TMEM87A: variants seen among roughly 807,000 people sequenced by gnomAD.
The protein encoded by TMEM87A is Golgi-pH regulating cation channel.
TMEM87A carries 50 observed loss-of-function variants against 90.0 expected under a neutral mutation model. The ratio of observed to expected loss-of-function variants is 0.56; its 90% CI spans 0.44 to 0.70. The LOEUF is 0.70. TMEM87A is among the 30% of genes least tolerant of loss of function. TMEM87A has a pLI of 0.00. For synonymous variants in TMEM87A, 226 were observed against 226.7 expected, an observed-to-expected ratio of 1.00 and a Z score of 0.03; for missense variants, 577 against 660.5, an observed-to-expected ratio of 0.87 and a Z score of 1.39.
At chr15:42,216,152 A>C (rs1005541636) in intron 19 of TMEM87A, among the ~76,000 whole-genome samples, 1 of 152,256 alleles carries the variant, frequency 6.6e-6, no homozygotes. Context: ...CAAATGCTGC[A>C]TGATTCCACT....
chr15:42,266,066 T>C (rs2051397385), intron 3 of TMEM87A, among the ~76,000 whole-genome samples: 1 of 152,302 alleles, frequency 6.6e-6, no homozygotes, highest in East Asian at 1.9e-4. Context: ...GTTTCATTGG[T>C]CTTTGTGTCT....
intron 6 of TMEM87A, among the ~76,000 whole-genome samples, chr15:42,251,203 A>T (rs893114089): frequency 1.3e-5 from 2 of 152,288 alleles, no homozygotes; most frequent in South Asian, 4.2e-4. Flanking sequence ...TTTAGCTCAG[A>T]GAGGTTTGTT....
chr15:42,263,973 C>T (rs530742518), intron 4 of TMEM87A, 117 bp downstream of exon 4: 8 of 707,262 alleles, frequency 1.1e-5, no homozygotes, highest in Middle Eastern at 4.0e-4. Context: ...TCAGAACATG[C>T]TTCCACTTAC....
intron 19 of TMEM87A, among the ~76,000 whole-genome samples, 177 bp downstream of exon 19, chr15:42,217,626 A>G (rs1045415885): frequency 3.3e-5 from 5 of 152,360 alleles, no homozygotes; most frequent in South Asian, 4.1e-4. Context: ...AAAGAAAGGA[A>G]GATTCTTGAA....
At chr15:42,221,877 A>G (rs2050492698) in intron 15 of TMEM87A, among the ~76,000 whole-genome samples, 1 of 152,132 alleles carries the variant, frequency 6.6e-6, no homozygotes, top group African/African-American at 2.4e-5. Context: ...CAGCCTCCCA[A>G]GTAGCTGGGA....
intron 19 of TMEM87A, among the ~76,000 whole-genome samples, chr15:42,217,468 C>T (rs890740504): frequency 1.3e-5 from 2 of 151,924 alleles, no homozygotes; most frequent in Admixed American, 6.6e-5. Flanking sequence ...ATTATTTTTG[C>T]CAATATTAGA....
At chr15:42,244,906 C>T (rs1352351832) in intron 6 of TMEM87A, among the ~76,000 whole-genome samples, 1 of 151,236 alleles carries the variant, frequency 6.6e-6, no homozygotes, top group African/African-American at 2.4e-5. Context: ...AAAGGAGAAA[C>T]GTTTATCCAG....
At chr15:42,254,824 G>C (rs986350106) in intron 6 of TMEM87A, among the ~76,000 whole-genome samples, 2 of 152,204 alleles carry the variant, frequency 1.3e-5, no homozygotes, top group Non-Finnish European at 2.9e-5. Flanking sequence ...GTACACTGCA[G>C]AGTGAACCTT....
At chr15:42,273,178 C>T (rs533814981) in intron 1 of TMEM87A, 77 bp downstream of exon 1, 5 of 1,577,604 alleles carry the variant, frequency 3.2e-6, no homozygotes, top group African/African-American at 2.7e-5. Flanking sequence ...TTTGCGGAAC[C>T]TTCATGGACC....
intron 15 of TMEM87A, among the ~76,000 whole-genome samples, chr15:42,225,628 T>A (rs1324909584): frequency 6.6e-6 from 1 of 152,016 alleles, no homozygotes; most frequent in Non-Finnish European, 1.5e-5. Flanking sequence ...TGTCTCCGGG[T>A]TCAAGCGATT....
intron 4 of TMEM87A, among the ~76,000 whole-genome samples, chr15:42,263,143 C>T (rs933257335): frequency 5.3e-5 from 8 of 152,136 alleles, no homozygotes; most frequent in Non-Finnish European, 7.4e-5. Flanking sequence ...AAAAATGTGA[C>T]GTTTTAAATG....
intron 6 of TMEM87A, among the ~76,000 whole-genome samples, chr15:42,248,357 T>C (rs1297459493): frequency 6.6e-6 from 1 of 152,218 alleles, no homozygotes; most frequent in Non-Finnish European, 1.5e-5. Flanking sequence ...CCCTGTCTTC[T>C]GCCAGTTTTC....
intron 6 of TMEM87A, among the ~76,000 whole-genome samples, chr15:42,247,901 A>T (rs1399516890): frequency 7.2e-5 from 11 of 152,118 alleles, no homozygotes; most frequent in African/African-American, 2.7e-4. Context: ...CACAATATTG[A>T]TTCTTCCTAT....
chr15:42,233,379 G>A (rs2140936697), intron 10 of TMEM87A, 73 bp from the exon 11 acceptor site: 1 of 1,149,100 alleles, frequency 8.7e-7, no homozygotes, highest in Non-Finnish European at 1.3e-6. Context: ...ACAGGAACTT[G>A]TGTTAATTAA....
intron 6 of TMEM87A, among the ~76,000 whole-genome samples, chr15:42,251,879 C>G (rs1245639202): frequency 2.0e-5 from 3 of 152,242 alleles, no homozygotes. Flanking sequence ...GCAGGCAGGC[C>G]TCACTGAGCT....
At chr15:42,214,772 G>C (rs775234723) in intron 19 of TMEM87A, among the ~76,000 whole-genome samples, 14 of 152,188 alleles carry the variant, frequency 9.2e-5, no homozygotes, top group Admixed American at 2.0e-4. Context: ...TAAGTTTCTT[G>C]AAATTGGTCT....
chr15:42,258,885 A>G, intron 6 of TMEM87A: 1 of 1,505,496 alleles, frequency 6.6e-7, no homozygotes, highest in Non-Finnish European at 9.0e-7. Flanking sequence ...CCATAAAAGC[A>G]ACGAAAACAC....
chr15:42,256,543 G>A (rs1483726755), intron 6 of TMEM87A, among the ~76,000 whole-genome samples: 1 of 152,164 alleles, frequency 6.6e-6, no homozygotes, highest in African/African-American at 2.4e-5. Context: ...TTTTGACTAA[G>A]TATTCCTAAA....
chr15:42,244,739 G>C (rs1258008580), intron 6 of TMEM87A, among the ~76,000 whole-genome samples: 2 of 144,418 alleles, frequency 1.4e-5, no homozygotes, highest in African/African-American at 5.1e-5. Flanking sequence ...CAAATTAACA[G>C]TCTCCAAGTC....
Sources: allele counts gnomAD v4.1 joint callset (sites outside exome capture counted in the v4.1 genomes callset), GRCh38; gene constraint gnomAD v4.1.1; transcripts MANE v1.5; gene names NCBI Gene and HGNC (gene_info 2026-07-23, HGNC 2026-07-21).